AHNAK2: variants seen among roughly 807,000 people sequenced by gnomAD.
AHNAK2 encodes protein AHNAK2.
AHNAK2 carries 18 observed loss-of-function variants against 30.7 expected under a neutral mutation model. The observed-to-expected ratio is 0.59, with a 90% confidence interval of 0.41 to 0.87. AHNAK2 has a LOEUF of 0.87. Among genes scored for constraint, AHNAK2 ranks in the 40% least tolerant of loss-of-function variants. AHNAK2 has a pLI of 0.00. For missense variants in AHNAK2, 8,604 were observed against 7,373.0 expected (o/e 1.17, Z -6.11); for synonymous variants, 3,590 against 3,073.8 (o/e 1.17, Z -5.56).
rs4264326 is a variant in AHNAK2, at chr14:104,945,363, A to G, written c.10088T>C (p.Val3363Ala). 878,668 of 1,611,766 alleles carry G rather than the reference A, an allele frequency of 0.55. 243,033 individuals are homozygous for G. The highest frequency in any genetic ancestry group is 0.69 in the African/African-American group (51,185 of 74,566). The change falls in exon 7 of 7, where the codon GTG becomes GCG. Residue 3363 changes from valine (V) to alanine (A), a missense_variant. By Grantham distance (64) the Val-to-Ala change is moderately conservative (BLOSUM62 0). Coordinates refer to ENST00000333244, the MANE Select transcript of AHNAK2 (RefSeq NM_138420.4). Reference protein sequence around the residue: ...TTDLSIQLPSVDLEVQAGQVD... With the variant: ...TTDLSIQLPSADLEVQAGQVD... ...CTGGCCAGCCTGGACCTCCAGGTCC[A>G]CAGAAGGGAGCTGAATGCTGAGGTC...
Position 104,954,866 on chromosome 14 carries a change from A to G in AHNAK2, c.652-67T>C. On this transcript the variant is annotated intron_variant, in intron 6 of 6. Transcript: ENST00000333244. The surrounding 1 kb of genome is among the most constrained non-coding windows in gnomAD (Gnocchi z 4.3). The stretch of plus-strand genomic sequence containing the variant: ...AAGCCTGGGGCCCTGGCCCAGGGAC[A>G]GATGGAGTGGGAGTGCTATCCCCTC... 6.5e-7 allele frequency: 1 copy of G among 1,539,610 alleles called. No individual in the cohort carries two copies. The highest frequency in any genetic ancestry group is 8.7e-7 in the Non-Finnish European group (1 of 1,145,782).
chr14:104,955,492 A>C lies in AHNAK2; in HGVS notation c.457T>G (p.Leu153Val), dbSNP rs769500044. ...KDSSAAKLFNLREGDQLLSTT... is the reference protein window; with the variant it reads ...KDSSAAKLFNVREGDQLLSTT... ...GGAACTGCCATGGCACCTTCTCTCAAGTTAAAAAGCTTGGCGGCTGAGGAG... is the reference window on the plus strand; with the variant it reads ...GGAACTGCCATGGCACCTTCTCTCACGTTAAAAAGCTTGGCGGCTGAGGAG... Residue 153 changes from leucine (L) to valine (V), a missense_variant, in exon 5 of 7, where the codon TTG becomes GTG. Leu to Val is a conservative substitution (Grantham distance 32). Transcript: ENST00000333244. The C allele has an allele frequency of 6.2e-7, 1 of 1,613,010 alleles. No homozygotes were observed.
chr14:104,950,071 C>G lies in AHNAK2; in HGVS notation c.5380G>C (p.Glu1794Gln), dbSNP rs202246307. 25 of 1,584,974 alleles carry G rather than the reference C, an allele frequency of 1.6e-5. 3 individuals carry two copies. The highest frequency in any genetic ancestry group is 1.3e-4 in the African/African-American group (9 of 71,628). Reference sequence around the variant, plus strand: ...CTGTCCAGCTTGGCTCCTGGAGCCTCGACGTCCACCTCCACGCTGGGCAGA... The same window carrying G: ...CTGTCCAGCTTGGCTCCTGGAGCCTGGACGTCCACCTCCACGCTGGGCAGA... Reference protein sequence around the residue: ...VSLPSVEVDVEAPGAKLDSVR... With the variant: ...VSLPSVEVDVQAPGAKLDSVR... Residue 1794 changes from glutamate to glutamine, a missense_variant, in exon 7 of 7, where the codon GAG (glutamate) becomes CAG (glutamine). Glu to Gln is a conservative substitution (Grantham distance 29). Transcript: ENST00000333244.
chr14:104,948,039 A>ACAGAC lies in AHNAK2; in HGVS notation c.7407_7411dup (p.Val2471GlyfsTer8). 6.2e-7 allele frequency: 1 copy of ACAGAC among 1,612,528 alleles called. No individual in the cohort carries two copies. Among genetic ancestry groups the ACAGAC allele is most frequent in the Non-Finnish European group, 8.5e-7 (1 of 1,179,610 alleles). On this transcript the variant is annotated frameshift_variant, in exon 7 of 7. Transcript: ENST00000333244. LOFTEE classifies it low-confidence loss of function (END_TRUNC). ...TTTGGTAGTCACATCCTTGTCCGCC[A>ACAGAC]CAGACAGGTCCCCCTCCAGCCACGC...
intron 1 of AHNAK2, among the ~76,000 whole-genome samples, chr14:104,970,708 C>T (rs556280483): frequency 6.6e-5 from 10 of 152,306 alleles, no homozygotes; most frequent in African/African-American, 2.4e-4. Flanking sequence ...GGGGACCCCA[C>T]CCTGAGTGCC....
Position 104,952,102 on chromosome 14 carries a change from C to A in AHNAK2, c.3349G>T (p.Val1117Phe), listed in dbSNP as rs781298549. 1.2e-6 allele frequency: 2 copies of A among 1,612,844 alleles called. No homozygotes were observed. Among genetic ancestry groups the A allele is most frequent in the Non-Finnish European group, 1.7e-6 (2 of 1,179,712 alleles). The change falls in exon 7 of 7, where the codon GTC becomes TTC. Residue 1117 changes from valine (V) to phenylalanine (F), a missense_variant. Physicochemically the swap from Val to Phe is conservative, Grantham distance 50. Transcript: ENST00000333244. ...KLDLKSPKAE[V>F]TAPDVEVSLP... ...GACACCTCCACATCAGGGGCTGTGA[C>A]TTCCGCCTTGGGGCTTTTCAGGTCC...
chr14:104,974,086 G>A (rs965641316), intron 1 of AHNAK2, among the ~76,000 whole-genome samples: 4 of 152,012 alleles, frequency 2.6e-5, no homozygotes, highest in African/African-American at 7.2e-5. Context: ...CCGGCCAGCC[G>A]ATGACTTCCA....
Position 104,940,712 on chromosome 14 carries a change from G to T in AHNAK2, c.14739C>A (p.Ser4913=). 3 of 1,612,956 alleles carry T rather than the reference G, an allele frequency of 1.9e-6. No homozygotes were observed. Among genetic ancestry groups the T allele is most frequent in the Non-Finnish European group, 2.5e-6 (3 of 1,179,738 alleles). Residue 4913 remains serine, a synonymous_variant, in exon 7 of 7, where the codon TCC becomes TCA. Transcript: ENST00000333244. This position sits in a 1 kb window ranked among gnomAD's most constrained non-coding sequence, Gnocchi z 4.4. ...QCPLPSTQLP[S]PGTCVSQGPE... Reference sequence around the variant, plus strand: ...GGCCCTGAGACACACAGGTGCCTGGGGATGGCAGCTGGGTGCTTGGCAAGG... The same window carrying T: ...GGCCCTGAGACACACAGGTGCCTGGTGATGGCAGCTGGGTGCTTGGCAAGG...
chr14:104,940,658 T>G lies in AHNAK2; in HGVS notation c.14793A>C (p.Thr4931=). ...GPEELVASLQ[T]SVVAPGEAPS... is the part of the protein sequence containing the mutation. ...GGGCTTCTCCAGGGGCCACTACTGA[T>G]GTCTGCAAGGAGGCCACAAGCTCTT... Residue 4931 remains threonine (T), a synonymous_variant, in exon 7 of 7, where the codon ACA becomes ACC. Transcript: ENST00000333244. The surrounding 1 kb of genome is among the most constrained non-coding windows in gnomAD (Gnocchi z 4.4). 2 of 1,613,498 alleles carry G rather than the reference T, an allele frequency of 1.2e-6. No individual in the cohort carries two copies. The highest frequency in any genetic ancestry group is 1.7e-5 in the Admixed American group (1 of 60,008).
In AHNAK2 at chr14:104,938,158, T is replaced by A; in HGVS notation, c.17293A>T (p.Thr5765Ser). ...ATTAACTCTGTTCTTGCCGCGGATGTCACCATCACTCTGGAGTCCAGCCCA... is the reference window on the plus strand; with the variant it reads ...ATTAACTCTGTTCTTGCCGCGGATGACACCATCACTCTGGAGTCCAGCCCA... Reference protein sequence around the residue: ...GTGLDSRVMVTSAARTELILP... With the variant: ...GTGLDSRVMVSSAARTELILP... The change falls in exon 7 of 7, where the codon ACA becomes TCA. Residue 5765 changes from threonine (T) to serine (S), a missense_variant. Coordinates refer to ENST00000333244, the MANE Select transcript of AHNAK2 (RefSeq NM_138420.4). The A allele has an allele frequency of 6.2e-7, 1 of 1,613,966 alleles. No individual in the cohort carries two copies. The highest frequency in any genetic ancestry group is 8.5e-7 in the Non-Finnish European group (1 of 1,179,886).
In AHNAK2 at chr14:104,956,579, T is replaced by C; in HGVS notation, c.315+9A>G. 1.9e-6 allele frequency: 3 copies of C among 1,613,658 alleles called. No individual in the cohort carries two copies. Among genetic ancestry groups the C allele is most frequent in the Non-Finnish European group, 8.5e-7 (1 of 1,179,712 alleles). On this transcript the variant is annotated intron_variant, in intron 4 of 6. Coordinates refer to ENST00000333244, the MANE Select transcript of AHNAK2 (RefSeq NM_138420.4). ...CACCTCTGTGACCCTCAGCTCCTGCTGTACCCACCTCTGGACGACTCATCC... is the reference window on the plus strand; with the variant it reads ...CACCTCTGTGACCCTCAGCTCCTGCCGTACCCACCTCTGGACGACTCATCC...
chr14:104,964,590 T>G (rs28654371), intron 1 of AHNAK2, among the ~76,000 whole-genome samples: 78,311 of 151,932 alleles, frequency 0.52, 21,910 homozygotes, highest in Non-Finnish European at 0.64. Context: ...TAAAAAAAAA[T>G]GCGAGGTATT....
Position 104,952,285 on chromosome 14 carries a change from T to C in AHNAK2, c.3166A>G (p.Lys1056Glu), listed in dbSNP as rs372876794. 41 of 1,608,624 alleles carry C rather than the reference T, an allele frequency of 2.5e-5. 1 individual carries two copies. The highest frequency in any genetic ancestry group is 2.2e-4 in the African/African-American group (16 of 73,222). ...ACATCCACCTGGTCAGCCTGGACCT[T>C]CAGGTCAGTAGAAGCAGGCTGAATG... is the stretch of plus-strand genomic sequence containing the variant. ...LSIQPASTDL[K>E]VQADQVDVKL... The change falls in exon 7 of 7, where the codon AAG becomes GAG. Residue 1056 changes from lysine (K) to glutamate (E), a missense_variant. Physicochemically the swap from Lys to Glu is moderately conservative, Grantham distance 56. Transcript: ENST00000333244.
intron 1 of AHNAK2, among the ~76,000 whole-genome samples, chr14:104,968,748 A>G (rs1368887362): frequency 6.6e-6 from 1 of 152,158 alleles, no homozygotes; most frequent in Admixed American, 6.5e-5. Context: ...GGTGGGAGGA[A>G]CGAATGGCCC....
Position 104,952,608 on chromosome 14 carries a change from G to T in AHNAK2, c.2843C>A (p.Pro948His), listed in dbSNP as rs1202974108. ...VKGPKLDLKG[P>H]KAEVTAPDGE... Reference sequence around the variant, plus strand: ...ATCGGGGGCTGTCACTTCCGCCTTGGGGCCTTTCAGGTCCAGCTTGGGGCC... The same window carrying T: ...ATCGGGGGCTGTCACTTCCGCCTTGTGGCCTTTCAGGTCCAGCTTGGGGCC... The change falls in exon 7 of 7, where the codon CCC (proline) becomes CAC (histidine). Residue 948 changes from proline to histidine, a missense_variant. Pro to His is a moderately conservative substitution (Grantham distance 77, BLOSUM62 -2). Transcript: ENST00000333244. 2 of 1,612,752 alleles carry T rather than the reference G, an allele frequency of 1.2e-6. No individual in the cohort carries two copies. The highest frequency in any genetic ancestry group is 2.2e-5 in the South Asian group (2 of 91,040).
In AHNAK2 at chr14:104,948,853, C is replaced by G. The variant is rs372934303; in HGVS notation, c.6598G>C (p.Asp2200His). The change falls in exon 7 of 7, where the codon GAC becomes CAC. Residue 2200 changes from aspartate to histidine, a missense_variant. Physicochemically the swap from Asp to His is moderately conservative, Grantham distance 81 (BLOSUM62 -1). Coordinates refer to ENST00000333244, the MANE Select transcript of AHNAK2 (RefSeq NM_138420.4). Reference sequence around the variant, plus strand: ...GCGGAAAGGGGCTGAATGCTGAGGTCAGTGGTCTTGAGGTCCCCCTGCATG... The same window carrying G: ...GCGGAAAGGGGCTGAATGCTGAGGTGAGTGGTCTTGAGGTCCCCCTGCATG... ...PSMQGDLKTT[D>H]LSIQPLSADV... 50 of 1,611,514 alleles carry G rather than the reference C, an allele frequency of 3.1e-5. No individual in the cohort carries two copies. Among genetic ancestry groups the G allele is most frequent in the African/African-American group, 1.2e-4 (9 of 74,198 alleles).
chr14:104,943,010 G>A lies in AHNAK2; in HGVS notation c.12441C>T (p.Ala4147=). The change falls in exon 7 of 7, where the codon GCC becomes GCT. Residue 4147 remains alanine, a synonymous_variant. Coordinates refer to ENST00000333244, the MANE Select transcript of AHNAK2 (RefSeq NM_138420.4). ...KFKMPSFGVS[A]PGKSMEASVD... ...CGGACGCCTCCATGGACTTGCCTGG[G>A]GCCGACACCCCGAATGATGGCATCT... 6.2e-7 allele frequency: 1 copy of A among 1,613,126 alleles called. No individual in the cohort carries two copies. The highest frequency in any genetic ancestry group is 8.5e-7 in the Non-Finnish European group (1 of 1,179,568).
chr14:104,940,671 G>A lies in AHNAK2; in HGVS notation c.14780C>T (p.Ala4927Val). ...CVSQGPEELVASLQTSVVAPG... is the reference protein window; with the variant it reads ...CVSQGPEELVVSLQTSVVAPG... Reference sequence around the variant, plus strand: ...GGCCACTACTGATGTCTGCAAGGAGGCCACAAGCTCTTCTGGGCCCTGAGA... The same window carrying A: ...GGCCACTACTGATGTCTGCAAGGAGACCACAAGCTCTTCTGGGCCCTGAGA... Residue 4927 changes from alanine to valine, a missense_variant, in exon 7 of 7, where the codon GCC (alanine) becomes GTC (valine). Ala to Val is a moderately conservative substitution (Grantham distance 64). Transcript: ENST00000333244. This position sits in a 1 kb window ranked among gnomAD's most constrained non-coding sequence, Gnocchi z 4.4. The A allele has an allele frequency of 2.5e-6, 4 of 1,613,382 alleles. No homozygotes were observed. Among genetic ancestry groups the A allele is most frequent in the East Asian group, 2.2e-5 (1 of 44,882 alleles).
In AHNAK2 at chr14:104,952,892, C is replaced by A. The variant is rs202174343; in HGVS notation, c.2559G>T (p.Glu853Asp). Residue 853 changes from glutamate to aspartate, a missense_variant, in exon 7 of 7, where the codon GAG becomes GAT. Glu to Asp is a conservative substitution (Grantham distance 45, BLOSUM62 2). Coordinates refer to ENST00000333244, the MANE Select transcript of AHNAK2 (RefSeq NM_138420.4). ...FGVSAPGKSM[E>D]DSVDVSAPKV... is the part of the protein sequence containing the mutation. ...TCGGCGCAGACACATCCACCGAGTC[C>A]TCCATGGACTTGCCTGGGGCCGACA... The A allele has an allele frequency of 9.4e-5, 151 of 1,612,200 alleles. No homozygotes were observed. In the Admixed American group the frequency reaches 2.4e-3, roughly 26 times the overall value.
Sources: allele counts gnomAD v4.1 joint callset (sites outside exome capture counted in the v4.1 genomes callset), GRCh38; gene constraint gnomAD v4.1.1; non-coding constraint Gnocchi (gnomAD v3.1); transcripts MANE v1.5; gene names NCBI Gene and HGNC (gene_info 2026-07-23, HGNC 2026-07-21).